The following RNF130 variants were observed in gnomAD, a reference collection of about 807,000 sequenced individuals.
RNF130 encodes E3 ubiquitin-protein ligase RNF130.
RNF130 carries 21 observed loss-of-function variants against 44.6 expected under a neutral mutation model. The observed-to-expected ratio is 0.47, with a 90% confidence interval of 0.33 to 0.68. The LOEUF (loss-of-function observed/expected upper bound fraction) is 0.68, where lower values mean the gene tolerates loss of function less well. Among genes scored for constraint, RNF130 ranks in the 30% least tolerant of loss-of-function variants. RNF130 has a pLI of 0.02. For missense variants in RNF130, 479 were observed against 560.6 expected, an observed-to-expected ratio of 0.85 and a Z score of 1.47; for synonymous variants, 214 against 210.4, an observed-to-expected ratio of 1.02 and a Z score of -0.15.
intron 5 of RNF130, among the ~76,000 whole-genome samples, chr5:179,973,327 C>A (rs1009921558): frequency 3.3e-5 from 5 of 152,176 alleles, no homozygotes; most frequent in Admixed American, 1.3e-4. Context: ...GAACACGGCA[C>A]CTTTTTCTCC....
chr5:179,968,021 C>T (rs879535358), intron 6 of RNF130, among the ~76,000 whole-genome samples: 3 of 152,208 alleles, frequency 2.0e-5, no homozygotes, highest in Non-Finnish European at 2.9e-5. Flanking sequence ...ACAGGCTGGG[C>T]GCGGTGGCTC....
chr5:180,062,768 G>GT (rs1765017049), intron 1 of RNF130, among the ~76,000 whole-genome samples: 1 of 152,210 alleles, frequency 6.6e-6, no homozygotes, highest in Non-Finnish European at 1.5e-5. Flanking sequence ...ACCTGTACAA[G>GT]TATCTGACTG....
chr5:179,970,273 A>G (rs908919861), intron 6 of RNF130, 137 bp downstream of exon 6: 8 of 590,772 alleles, frequency 1.4e-5, no homozygotes, highest in Admixed American at 6.5e-5. Flanking sequence ...TTGGGCTTAC[A>G]TGGTTACATG....
At chr5:180,059,851 C>T (rs887135979) in intron 1 of RNF130, among the ~76,000 whole-genome samples, 4 of 152,184 alleles carry the variant, frequency 2.6e-5, no homozygotes, top group Non-Finnish European at 4.4e-5. Flanking sequence ...CCCTCAAAGA[C>T]GTCCATCTCC....
intron 1 of RNF130, among the ~76,000 whole-genome samples, chr5:180,060,999 G>A (rs967144573): frequency 8.6e-5 from 13 of 151,390 alleles, no homozygotes; most frequent in African/African-American, 2.9e-4. Context: ...AACCCCGGGG[G>A]GGCGGAGCCT....
chr5:179,957,285 G>A (rs796750193), intron 8 of RNF130, among the ~76,000 whole-genome samples: 5 of 152,038 alleles, frequency 3.3e-5, no homozygotes, highest in African/African-American at 7.2e-5. Flanking sequence ...GCTGGCAGGC[G>A]CCTCTAGTCC....
intron 3 of RNF130, among the ~76,000 whole-genome samples, chr5:179,984,931 G>A (rs1762920212): frequency 6.6e-6 from 1 of 151,976 alleles, no homozygotes; most frequent in African/African-American, 2.4e-5. Context: ...TAAGTATAAT[G>A]CAAATATTCC....
exon 8 of RNF130, chr5:179,918,906 G>A (rs188071346): frequency 2.0e-5 from 3 of 152,336 alleles, no homozygotes; most frequent in Admixed American, 1.3e-4. Flanking sequence ...CACTTTAGGA[G>A]AAGCTGCACG....
chr5:179,981,002 G>A (rs867705476), intron 3 of RNF130, among the ~76,000 whole-genome samples: 9 of 152,154 alleles, frequency 5.9e-5, no homozygotes, highest in Non-Finnish European at 1.0e-4. Flanking sequence ...GGGGTGGGGC[G>A]AGGCAGGGGA....
intron 2 of RNF130, chr5:180,015,497 G>C (rs1267965463): frequency 3.3e-6 from 1 of 302,804 alleles, no homozygotes; most frequent in Non-Finnish European, 7.6e-6. Context: ...AGTAGGAAAG[G>C]AGTAGGGAAA....
chr5:179,921,848 C>G lies in RNF130; in HGVS notation c.1151-1422G>C, dbSNP rs1761635241. The stretch of plus-strand genomic sequence containing the variant: ...CCAGCTTGGCCAACATAGTGAAACC[C>G]CGTCTCTACTAAAAATACAAAAAAT... On this transcript the variant is annotated intron_variant, in intron 7 of 7. Transcript: ENST00000522208. Among the ~76,000 whole-genome samples, 2 of 149,330 alleles carry G rather than the reference C, an allele frequency of 1.3e-5. 1 individual carries two copies. The highest frequency in any genetic ancestry group is 5.1e-5 in the African/African-American group (2 of 38,922).
At chr5:179,916,248 G>C (rs1379162298) in exon 8 of RNF130, 2 of 152,170 alleles carry the variant, frequency 1.3e-5, no homozygotes, top group Non-Finnish European at 2.9e-5. Flanking sequence ...ACTAGCTTCA[G>C]CCGGGCGTGC....
chr5:180,017,194 C>T (rs1008005335), intron 2 of RNF130, among the ~76,000 whole-genome samples: 1 of 152,206 alleles, frequency 6.6e-6, no homozygotes, highest in East Asian at 1.9e-4. Flanking sequence ...GCCCCTCAAT[C>T]TGGATTTGAC....
intron 5 of RNF130, 36 bp downstream of exon 5, chr5:179,978,167 A>T (rs1344027349): frequency 6.5e-7 from 1 of 1,538,042 alleles, no homozygotes; most frequent in East Asian, 2.2e-5. Flanking sequence ...AAGCACATTA[A>T]TATCATTCTT....
At chr5:180,061,068 C>CAAAAA (rs57744473) in intron 1 of RNF130, among the ~76,000 whole-genome samples, 13 of 53,592 alleles carry the variant, frequency 2.4e-4, no homozygotes, top group African/African-American at 7.8e-4. Context: ...GACTCCGTCT[C>CAAAAA]AAAAAAAAAA....
chr5:180,066,952 C>T (rs1307503690), intron 1 of RNF130, among the ~76,000 whole-genome samples: 2 of 152,204 alleles, frequency 1.3e-5, no homozygotes, highest in African/African-American at 4.8e-5. Context: ...TCACTCAACT[C>T]CCCGAGGTCA....
At chr5:179,951,899 A>G (rs73342229), downstream of RNF130, among the ~76,000 whole-genome samples, 6,161 of 152,248 alleles carry the variant, frequency 0.04, 449 homozygotes, top group African/African-American at 0.14. Flanking sequence ...TTTACAAATG[A>G]GTGAAATAGG....
chr5:179,949,607 G>A (rs538069968), intron 7 of RNF130, among the ~76,000 whole-genome samples: 6 of 152,176 alleles, frequency 3.9e-5, no homozygotes, highest in East Asian at 1.9e-4. Context: ...TTTTAATCTC[G>A]AATTTTTTAA....
At chr5:180,032,650 G>A (rs564238176) in intron 2 of RNF130, among the ~76,000 whole-genome samples, 1 of 152,312 alleles carries the variant, frequency 6.6e-6, no homozygotes, top group Admixed American at 6.5e-5. Flanking sequence ...TGACCGTAAA[G>A]ATATTTATTT....
Sources: gnomAD v4.1 joint callset for allele counts (sites outside exome capture counted in the v4.1 genomes callset) on GRCh38, gnomAD v4.1.1 for gene constraint, MANE v1.5 for transcripts, NCBI Gene and HGNC (gene_info 2026-07-23, HGNC 2026-07-21) for gene names.